Variants in NEMP2 observed in about 807,000 individuals in gnomAD.
The protein encoded by NEMP2 is nuclear envelope integral membrane protein 2, also known as UPF0571 transmembrane protein.
In NEMP2, 53 loss-of-function variants were observed where a neutral mutation model predicts 54.2. The ratio of observed to expected loss-of-function variants is 0.98; its 90% confidence interval spans 0.78 to 1.23. The LOEUF (loss-of-function observed/expected upper bound fraction) is 1.23, where lower values mean the gene tolerates loss of function less well. NEMP2 is among the 50% of genes most tolerant of loss of function. The pLI, the probability that NEMP2 is intolerant of heterozygous loss-of-function variation, is 0.00. For missense variants in NEMP2, 455 were observed against 511.3 expected (o/e 0.89, Z 1.06); for synonymous variants, 197 against 190.3 (o/e 1.04, Z -0.29).
chr2:190,469,802 A>G, the NEMP2 span: 1 of 1,607,926 alleles, frequency 6.2e-7, no homozygotes, highest in Non-Finnish European at 8.5e-7. The surrounding 1 kb of genome is among the most constrained non-coding windows in gnomAD (Gnocchi z 5.3). Flanking sequence ...CGCTATATTT[A>G]TATTTCCTAC....
At chr2:190,603,139 A>C in the NEMP2 span, among the ~76,000 whole-genome samples, 1 of 152,182 alleles carries the variant, frequency 6.6e-6, no homozygotes. Flanking sequence ...TTATAAATGT[A>C]TGACATTTAA....
chr2:190,473,745 A>G, the NEMP2 span, among the ~76,000 whole-genome samples: 1 of 152,214 alleles, frequency 6.6e-6, no homozygotes, highest in African/African-American at 2.4e-5. Context: ...AGAACTCTCC[A>G]CCCCAAATCA....
the NEMP2 span, among the ~76,000 whole-genome samples, chr2:190,645,938 T>C: frequency 4.4e-4 from 67 of 152,358 alleles, 1 homozygote; most frequent in South Asian, 0.013. Flanking sequence ...CACTGTTTTA[T>C]AGCAAAGCCC....
the NEMP2 span, among the ~76,000 whole-genome samples, chr2:190,579,662 A>T: frequency 6.6e-6 from 1 of 152,248 alleles, no homozygotes; most frequent in East Asian, 1.9e-4. Context: ...TATGGCATAT[A>T]AATGCAGAAA....
At chr2:190,484,222 G>A in the NEMP2 span, among the ~76,000 whole-genome samples, 1 of 152,142 alleles carries the variant, frequency 6.6e-6, no homozygotes, top group Non-Finnish European at 1.5e-5. Context: ...TTGTCAGTCA[G>A]GGAGTAATAG....
At chr2:190,499,734 T>C (rs1574275873), downstream of NEMP2, 11 of 1,269,804 alleles carry the variant, frequency 8.7e-6, no homozygotes, top group Non-Finnish European at 1.2e-5. This position sits in a 1 kb window ranked among gnomAD's most constrained non-coding sequence, Gnocchi z 6.0. Context: ...TGATGTAAAC[T>C]GTTTACCAAG....
chr2:190,468,659 A>C, the NEMP2 span, among the ~76,000 whole-genome samples: 1 of 142,114 alleles, frequency 7.0e-6, no homozygotes, highest in African/African-American at 2.6e-5. Context: ...GGTTCTCACT[A>C]TGTTGCCCAG....
chr2:190,562,412 CA>C, the NEMP2 span, among the ~76,000 whole-genome samples: 3 of 152,322 alleles, frequency 2.0e-5, no homozygotes, highest in Admixed American at 2.0e-4. This position sits in a 1 kb window ranked among gnomAD's most constrained non-coding sequence, Gnocchi z 5.0. Context: ...CTCCATGGAG[CA>C]TTAAGCACTC....
the NEMP2 span, among the ~76,000 whole-genome samples, chr2:190,598,213 T>C: frequency 3.3e-5 from 5 of 152,168 alleles, no homozygotes; most frequent in South Asian, 2.1e-4. Context: ...AAATCACCCC[T>C]GGTTGAAAAC....
rs1375874814 is a variant in NEMP2 at position 190,525,501 on chromosome 2, TATG to T, written c.98-126_98-124del. 3.5e-6 allele frequency: 2 copies of T among 571,972 alleles called. No homozygotes were observed. Among genetic ancestry groups the T allele is most frequent in the Non-Finnish European group, 3.1e-6 (1 of 320,486 alleles). 35.4% of individuals were successfully genotyped at this position (571,972 alleles called of 1,614,324 possible). ...GTTCTATGGCCAATAAATTCTCCTA[TATG>T]ATAATTATAGTCCTTCAGTGTTTCC... On this transcript the variant is annotated intron_variant, in intron 1 of 8. Transcript: ENST00000409150. This position sits in a 1 kb window ranked among gnomAD's most constrained non-coding sequence, Gnocchi z 5.0.
At chr2:190,484,354 A>C in the NEMP2 span, among the ~76,000 whole-genome samples, 8 of 152,236 alleles carry the variant, frequency 5.3e-5, no homozygotes, top group Admixed American at 2.0e-4. Context: ...TTATTTCATC[A>C]CATAAAGAAT....
chr2:190,463,732 A>G, the NEMP2 span: 1 of 259,706 alleles, frequency 3.9e-6, no homozygotes, highest in Non-Finnish European at 6.0e-6. This position sits in a 1 kb window ranked among gnomAD's most constrained non-coding sequence, Gnocchi z 4.4. Context: ...AGGTGGGAGG[A>G]TCACCTGGGC....
Position 190,510,674 on chromosome 2 carries a change from G to A in NEMP2, c.954-137C>T. ...GGGGAGGCGGATCACGAGGTCAGGA[G>A]ATTGAGACGGTCCTGGCTAACAAGG... On this transcript the variant is annotated intron_variant, in intron 7 of 8. Coordinates refer to ENST00000409150, the MANE Select transcript of NEMP2 (RefSeq NM_001142645.2). The surrounding 1 kb of genome is among the most constrained non-coding windows in gnomAD (Gnocchi z 5.7). 2 of 754,174 alleles carry A rather than the reference G, an allele frequency of 2.7e-6. No individual in the cohort carries two copies. The highest frequency in any genetic ancestry group is 4.3e-6 in the Non-Finnish European group (2 of 461,268). 46.7% of individuals were successfully genotyped at this position (754,174 alleles called of 1,614,324 possible). A position where few individuals can be genotyped will look rare whatever the true frequency, so the allele number is the denominator to read the frequency against.
At chr2:190,568,241 C>A in the NEMP2 span, 2 of 152,108 alleles carry the variant, frequency 1.3e-5, no homozygotes, top group Non-Finnish European at 2.9e-5. The surrounding 1 kb of genome is among the most constrained non-coding windows in gnomAD (Gnocchi z 4.7). Context: ...ACCTGGAGAG[C>A]AACAAGTGAG....
the NEMP2 span, among the ~76,000 whole-genome samples, chr2:190,566,671 G>A: frequency 6.7e-6 from 1 of 148,360 alleles, no homozygotes; most frequent in South Asian, 2.2e-4. Context: ...GAAGGGAAGA[G>A]AAGGGGAGGA....
chr2:190,431,377 G>C, the NEMP2 span, among the ~76,000 whole-genome samples: 1 of 152,214 alleles, frequency 6.6e-6, no homozygotes, highest in African/African-American at 2.4e-5. The surrounding 1 kb of genome is among the most constrained non-coding windows in gnomAD (Gnocchi z 4.4). Context: ...AGGTTGTAGC[G>C]AGCCGAGATC....
the NEMP2 span, chr2:190,489,717 G>A: frequency 9.3e-6 from 14 of 1,512,616 alleles, no homozygotes; most frequent in Middle Eastern, 3.4e-4. This position sits in a 1 kb window ranked among gnomAD's most constrained non-coding sequence, Gnocchi z 6.6. Context: ...TTAGATGAGC[G>A]CTATCTGCAT....
chr2:190,608,393 C>A, the NEMP2 span: 1 of 152,164 alleles, frequency 6.6e-6, no homozygotes, highest in African/African-American at 2.4e-5. This position sits in a 1 kb window ranked among gnomAD's most constrained non-coding sequence, Gnocchi z 4.9. Flanking sequence ...AAGAACAAAT[C>A]TTTTACCCGT....
the NEMP2 span, among the ~76,000 whole-genome samples, chr2:190,449,873 G>A: frequency 1.6e-4 from 25 of 152,092 alleles, no homozygotes; most frequent in African/African-American, 2.4e-4. Flanking sequence ...GTGGGGTGGG[G>A]GAAGGGGGGA....
Sources: allele counts gnomAD v4.1 joint callset (sites outside exome capture counted in the v4.1 genomes callset), GRCh38; gene constraint gnomAD v4.1.1; non-coding constraint Gnocchi (gnomAD v3.1); transcripts MANE v1.5; gene names NCBI Gene and HGNC (gene_info 2026-07-23, HGNC 2026-07-21).